The following BIRC6 variants were observed in gnomAD, a reference collection of about 807,000 sequenced individuals.
The protein encoded by BIRC6 is baculoviral IAP repeat containing 6.
BIRC6 carries 98 observed loss-of-function variants against 503.3 expected under a neutral mutation model. The ratio of observed to expected loss-of-function variants is 0.19; its 90% CI spans 0.17 to 0.23. The LOEUF is 0.23. Ranked by LOEUF, BIRC6 falls within the 10% of genes least tolerant of loss-of-function variation. The pLI is 1.00. For missense variants in BIRC6, 5,360 were observed against 5,806.0 expected (o/e 0.92, Z 2.50); for synonymous variants, 2,240 against 2,078.7 (o/e 1.08, Z -2.11).
chr2:32,465,995 G>A (rs1323339338), intron 26 of BIRC6, among the ~76,000 whole-genome samples: 1 of 152,122 alleles, frequency 6.6e-6, no homozygotes, highest in African/African-American at 2.4e-5. Flanking sequence ...AGTCTTATGG[G>A]AGATGAGCAG....
In BIRC6 at chr2:32,499,755, T is replaced by C; in HGVS notation, c.8677T>C (p.Phe2893Leu). 2 of 1,613,974 alleles carry C rather than the reference T, an allele frequency of 1.2e-6. No homozygotes were observed. Among genetic ancestry groups the C allele is most frequent in the Non-Finnish European group, 1.7e-6 (2 of 1,179,852 alleles). ...TAGCTCCGTGGGTGCTCGAGCATGC[T>C]TTGGGGGACTCTTTGCCAATCTTAT... ...SDSSVGARAC[F>L]GGLFANLIRP... Residue 2893 changes from phenylalanine to leucine, a missense_variant, in exon 46 of 74, where the codon TTT becomes CTT. Phe to Leu is a conservative substitution (Grantham distance 22, BLOSUM62 0). Transcript: ENST00000421745.
intron 3 of BIRC6, among the ~76,000 whole-genome samples, chr2:32,385,309 A>G (rs1007297630): frequency 1.3e-5 from 2 of 152,210 alleles, no homozygotes; most frequent in African/African-American, 2.4e-5. Context: ...GGGAGTAGGT[A>G]TTGAATTCTG....
chr2:32,365,150 T>C (rs1245288745), intron 1 of BIRC6, among the ~76,000 whole-genome samples: 1 of 152,190 alleles, frequency 6.6e-6, no homozygotes, highest in African/African-American at 2.4e-5. Flanking sequence ...TAAGAAAGAA[T>C]AGAATATTGG....
rs200838184 is a variant in BIRC6 at position 32,529,977 on chromosome 2, CATT to C, written c.12094+157_12094+159del. ...AATTTTTGTAAATATAAAAAATGGC[CATT>C]ATTTCATTTGGAAACTAAGTTGCAT... On this transcript the variant is annotated intron_variant, in intron 60 of 73. Transcript: ENST00000421745. Among the ~76,000 whole-genome samples, 165 of 151,942 alleles carry C rather than the reference CATT, an allele frequency of 1.1e-3. 3 individuals carry two copies. In the East Asian group the frequency reaches 0.027, roughly 25 times the overall value.
At chr2:32,420,088 A>T (rs2042775985) in intron 10 of BIRC6, among the ~76,000 whole-genome samples, 1 of 152,198 alleles carries the variant, frequency 6.6e-6, no homozygotes, top group Non-Finnish European at 1.5e-5. Context: ...ATTGTTGGAT[A>T]CAGTTTGCTA....
chr2:32,401,718 A>C (rs1020907988), intron 8 of BIRC6, 95 bp downstream of exon 8: 28 of 1,122,920 alleles, frequency 2.5e-5, no homozygotes, highest in Non-Finnish European at 3.3e-5. Flanking sequence ...GGAGGAAAAA[A>C]AAGTTACGCA....
At chr2:32,573,711 A>G (rs1208356056) in intron 65 of BIRC6, among the ~76,000 whole-genome samples, 2 of 152,246 alleles carry the variant, frequency 1.3e-5, no homozygotes, top group African/African-American at 4.8e-5. Flanking sequence ...TTTGATTTAT[A>G]GCTAGTAATT....
chr2:32,365,831 A>G (rs1171362783), intron 1 of BIRC6, among the ~76,000 whole-genome samples: 1 of 151,964 alleles, frequency 6.6e-6, no homozygotes, highest in Non-Finnish European at 1.5e-5. Flanking sequence ...TTGTAAAAAC[A>G]ACTGCTTTTA....
intron 3 of BIRC6, 65 bp from the exon 4 acceptor site, chr2:32,388,680 GGTTAA>G: frequency 8.8e-7 from 1 of 1,141,094 alleles, no homozygotes; most frequent in Non-Finnish European, 1.2e-6. Flanking sequence ...ATTTGATAAT[GGTTAA>G]GTTATGATTT....
intron 51 of BIRC6, among the ~76,000 whole-genome samples, chr2:32,509,260 TTC>T (rs1049373889): frequency 2.6e-5 from 4 of 152,110 alleles, no homozygotes; most frequent in African/African-American, 9.7e-5. Context: ...TGATTTATCT[TTC>T]TGTTTGTTTT....
chr2:32,607,716 G>A, intron 72 of BIRC6, 73 bp downstream of exon 72: 3 of 1,320,016 alleles, frequency 2.3e-6, no homozygotes, highest in Non-Finnish European at 3.1e-6. Flanking sequence ...GGTGGCTCAT[G>A]CCTGTAATCT....
At chr2:32,372,171 CTA>C (rs577134518) in intron 1 of BIRC6, among the ~76,000 whole-genome samples, 40 of 152,188 alleles carry the variant, frequency 2.6e-4, no homozygotes, top group Admixed American at 9.8e-4. Flanking sequence ...GTAAAGTTGT[CTA>C]TTTTTTGTGT....
At chr2:32,459,833 C>T (rs1292445677) in intron 23 of BIRC6, among the ~76,000 whole-genome samples, 2 of 151,016 alleles carry the variant, frequency 1.3e-5, no homozygotes, top group African/African-American at 4.9e-5. Flanking sequence ...TTGTTATAAG[C>T]GATCTTCCTC....
chr2:32,602,704 A>C, intron 70 of BIRC6: 1 of 295,116 alleles, frequency 3.4e-6, no homozygotes, highest in Non-Finnish European at 6.2e-6. Context: ...ATGTACAACT[A>C]TGTGCTAATT....
intron 10 of BIRC6, among the ~76,000 whole-genome samples, chr2:32,418,347 CTAT>C (rs2042595261): frequency 6.6e-6 from 1 of 152,146 alleles, no homozygotes. Flanking sequence ...CTTTAATATA[CTAT>C]TATTGTCTCC....
At chr2:32,543,619 C>T in intron 62 of BIRC6, 78 bp downstream of exon 62, 1 of 1,367,378 alleles carries the variant, frequency 7.3e-7, no homozygotes, top group Non-Finnish European at 1.0e-6. Context: ...GCCTATTATT[C>T]ATCATTTATT....
chr2:32,616,757 G>A (rs189633766), intron 73 of BIRC6, among the ~76,000 whole-genome samples: 2 of 152,124 alleles, frequency 1.3e-5, no homozygotes, highest in East Asian at 1.9e-4. Context: ...TCTCAAAAAC[G>A]TTTAGCCAGA....
intron 1 of BIRC6, among the ~76,000 whole-genome samples, chr2:32,370,690 T>G (rs911824890): frequency 2.0e-5 from 3 of 152,194 alleles, no homozygotes; most frequent in African/African-American, 4.8e-5. Context: ...GTACCTTCTT[T>G]TTAAAAAATT....
chr2:32,425,214 T>C (rs2043353864), intron 10 of BIRC6, among the ~76,000 whole-genome samples: 1 of 152,114 alleles, frequency 6.6e-6, no homozygotes, highest in Non-Finnish European at 1.5e-5. Flanking sequence ...TCTTTTTACT[T>C]TCTTGGTAGT....
Sources: gnomAD v4.1 joint callset for allele counts (sites outside exome capture counted in the v4.1 genomes callset) on GRCh38, gnomAD v4.1.1 for gene constraint, MANE v1.5 for transcripts, NCBI Gene and HGNC (gene_info 2026-07-23, HGNC 2026-07-21) for gene names.